The following NAV3 variants were observed in gnomAD, a reference collection of about 807,000 sequenced individuals.
The protein encoded by NAV3 is neuron navigator 3.
In NAV3, 87 loss-of-function variants were observed where a neutral mutation model predicts 244.7. The ratio of observed to expected loss-of-function variants is 0.36; its 90% CI spans 0.30 to 0.42. The LOEUF is 0.42. NAV3 is among the 20% of genes least tolerant of loss of function. NAV3 has a pLI of 1.00. For synonymous variants in NAV3, 1,126 were observed against 1,042.2 expected (o/e 1.08, Z -1.55); for missense variants, 2,663 against 2,893.3 (o/e 0.92, Z 1.83).
At chr12:78,134,688 G>A (rs1031467237) in intron 18 of NAV3, among the ~76,000 whole-genome samples, 1 of 152,084 alleles carries the variant, frequency 6.6e-6, no homozygotes, top group Non-Finnish European at 1.5e-5. Context: ...GGAGTTACAG[G>A]CTACAGTGAG....
At chr12:78,203,766 A>G (rs1172562604) in intron 38 of NAV3, among the ~76,000 whole-genome samples, 2 of 152,034 alleles carry the variant, frequency 1.3e-5, no homozygotes, top group African/African-American at 2.4e-5. Flanking sequence ...AAGTAATTTA[A>G]GGAAAAAGTG....
At chr12:77,590,214 G>C (rs1869844019) in intron 2 of NAV3, among the ~76,000 whole-genome samples, 1 of 152,168 alleles carries the variant, frequency 6.6e-6, no homozygotes, top group South Asian at 2.1e-4. Flanking sequence ...CAGGATTTAG[G>C]ATGACAGAAC....
intron 17 of NAV3, among the ~76,000 whole-genome samples, chr12:78,128,037 AAAG>A (rs1487783946): frequency 1.3e-5 from 2 of 152,222 alleles, no homozygotes; most frequent in Non-Finnish European, 2.9e-5. Context: ...ACAAAAAGAA[AAAG>A]AATATACTTA....
At chr12:77,867,482 C>T (rs1044514246) in intron 1 of NAV3, among the ~76,000 whole-genome samples, 4 of 152,044 alleles carry the variant, frequency 2.6e-5, no homozygotes, top group African/African-American at 7.2e-5. Context: ...TGCAGTGGCG[C>T]GATCTCAGCT....
At chr12:77,917,621 C>T (rs190817024) in intron 1 of NAV3, among the ~76,000 whole-genome samples, 1 of 151,934 alleles carries the variant, frequency 6.6e-6, no homozygotes. Context: ...ATTCACCGAC[C>T]TTCTCTTGAA....
intron 27 of NAV3, 29 bp from the exon 28 acceptor site, chr12:78,177,591 T>C (rs111933611): frequency 1.3e-6 from 2 of 1,584,674 alleles, no homozygotes. Flanking sequence ...CATTTGTCCA[T>C]GTATCTGTCT....
At chr12:77,810,726 AT>A (rs1254006681) in intron 2 of NAV3, among the ~76,000 whole-genome samples, 2 of 152,208 alleles carry the variant, frequency 1.3e-5, no homozygotes, top group Non-Finnish European at 2.9e-5. Flanking sequence ...TGTATTCCTT[AT>A]TAAGCCTCTT....
At chr12:77,661,521 G>C (rs1592554638) in intron 2 of NAV3, among the ~76,000 whole-genome samples, 1 of 151,972 alleles carries the variant, frequency 6.6e-6, no homozygotes, top group African/African-American at 2.4e-5. Flanking sequence ...CTTTCTTAAT[G>C]GCATTTAGAC....
chr12:77,854,579 A>ATG (rs1473352130), intron 1 of NAV3, among the ~76,000 whole-genome samples: 11 of 50,932 alleles, frequency 2.2e-4, no homozygotes, highest in Middle Eastern at 0.027. Context: ...AATTGTGTGT[A>ATG]TGTGTGTATG....
chr12:78,086,668 T>C (rs545434968), intron 12 of NAV3, among the ~76,000 whole-genome samples: 40 of 152,062 alleles, frequency 2.6e-4, no homozygotes, highest in African/African-American at 9.6e-4. Flanking sequence ...TGAGGGATCT[T>C]TTCACTTTGC....
At chr12:78,042,977 G>T (rs1433698032) in intron 9 of NAV3, among the ~76,000 whole-genome samples, 1 of 151,856 alleles carries the variant, frequency 6.6e-6, no homozygotes, top group African/African-American at 2.4e-5. Context: ...TACATGTGCA[G>T]AATGTGCAGG....
At chr12:77,639,834 G>A (rs1228571365) in intron 2 of NAV3, among the ~76,000 whole-genome samples, 3 of 152,176 alleles carry the variant, frequency 2.0e-5, no homozygotes, top group African/African-American at 7.2e-5. Flanking sequence ...TGTGGCACAT[G>A]CACAGTTGCT....
At chr12:77,768,364 CA>C (rs1156975318) in intron 2 of NAV3, among the ~76,000 whole-genome samples, 1 of 152,212 alleles carries the variant, frequency 6.6e-6, no homozygotes, top group Non-Finnish European at 1.5e-5. Context: ...CTCCTGCCAC[CA>C]TTTACATGTC....
chr12:78,009,317 T>C (rs1874813003), intron 8 of NAV3, among the ~76,000 whole-genome samples: 1 of 151,678 alleles, frequency 6.6e-6, no homozygotes, highest in Non-Finnish European at 1.5e-5. Flanking sequence ...TGTAGCCAAG[T>C]AGCTAAGAAA....
chr12:77,889,930 G>A (rs2136727923), intron 1 of NAV3, among the ~76,000 whole-genome samples: 1 of 152,252 alleles, frequency 6.6e-6, no homozygotes, highest in East Asian at 1.9e-4. Flanking sequence ...ACATACAGTA[G>A]TTATCATTCT....
intron 1 of NAV3, among the ~76,000 whole-genome samples, chr12:77,873,674 T>C (rs1881337003): frequency 1.7e-5 from 1 of 59,252 alleles, no homozygotes; most frequent in African/African-American, 5.6e-5. Context: ...ACATGATTTG[T>C]ATGTGTATAT....
intron 2 of NAV3, among the ~76,000 whole-genome samples, chr12:77,664,513 CATT>C (rs1873626140): frequency 6.6e-6 from 1 of 152,122 alleles, no homozygotes; most frequent in African/African-American, 2.4e-5. Flanking sequence ...TTGACAGTAT[CATT>C]AATAATGACA....
chr12:77,830,030 C>T (rs944250363), upstream of NAV3, among the ~76,000 whole-genome samples: 4 of 152,140 alleles, frequency 2.6e-5, no homozygotes, highest in Non-Finnish European at 2.9e-5. Flanking sequence ...TATCCATTTT[C>T]TGAGTGCAAT....
At chr12:78,120,587 G>C (rs1292498296) in intron 15 of NAV3, among the ~76,000 whole-genome samples, 1 of 152,156 alleles carries the variant, frequency 6.6e-6, no homozygotes, top group African/African-American at 2.4e-5. Context: ...ACTCTGGTAA[G>C]GATCATGACT....
Sources: allele counts gnomAD v4.1 joint callset (sites outside exome capture counted in the v4.1 genomes callset), GRCh38; gene constraint gnomAD v4.1.1; transcripts MANE v1.5; gene names NCBI Gene and HGNC (gene_info 2026-07-23, HGNC 2026-07-21).